The following SEPTIN11 variants were observed in gnomAD, a reference collection of about 807,000 sequenced individuals.
The protein encoded by SEPTIN11 is septin 11, also known as septin-11.
In SEPTIN11, 25 loss-of-function variants were observed where a neutral mutation model predicts 51.4. That is an observed-to-expected ratio of 0.49 (90% CI 0.35 to 0.68). SEPTIN11 has a LOEUF of 0.68. Ranked by LOEUF, SEPTIN11 falls within the 30% of genes least tolerant of loss-of-function variation. The pLI is 0.00. For synonymous variants in SEPTIN11, 174 were observed against 184.1 expected (o/e 0.95, Z 0.44); for missense variants, 381 against 520.8 (o/e 0.73, Z 2.61).
At chr4:77,005,352 A>C (rs952361700) in intron 2 of SEPTIN11, among the ~76,000 whole-genome samples, 1 of 152,224 alleles carries the variant, frequency 6.6e-6, no homozygotes, top group South Asian at 2.1e-4. Flanking sequence ...TTCAGAGGTA[A>C]AGAAGAATCT....
chr4:77,031,117 T>C (rs1309953617), intron 9 of SEPTIN11, 147 bp downstream of exon 9: 8 of 721,658 alleles, frequency 1.1e-5, no homozygotes, highest in Non-Finnish European at 1.3e-5. Flanking sequence ...GGGAAGATGA[T>C]GAAGGTTTTT....
At position 77,006,780 on chromosome 4, in the gene SEPTIN11, G is replaced by A. The variant is rs142096658; in HGVS notation, c.338+984G>A. On this transcript the variant is annotated intron_variant, in intron 3 of 9. Coordinates refer to ENST00000264893, the MANE Select transcript of SEPTIN11 (RefSeq NM_018243.4). ...ACTGTATATTATACACATGTGTTTT[G>A]TAAAGAGGAACTCGACTATTTTTAT... is the stretch of plus-strand genomic sequence containing the variant. Among the ~76,000 whole-genome samples, 285 of 152,144 alleles carry A rather than the reference G, an allele frequency of 1.9e-3. 2 individuals are homozygous for A. Among genetic ancestry groups the A allele is most frequent in the African/African-American group, 6.5e-3 (269 of 41,486 alleles).
At chr4:77,013,834 T>A (rs1433273159) in intron 4 of SEPTIN11, among the ~76,000 whole-genome samples, 2 of 152,240 alleles carry the variant, frequency 1.3e-5, no homozygotes, top group Non-Finnish European at 2.9e-5. Flanking sequence ...ACAGCTTCCT[T>A]ACCGAGTCTG....
chr4:76,993,985 C>T (rs994380749), intron 1 of SEPTIN11, among the ~76,000 whole-genome samples: 6 of 152,196 alleles, frequency 3.9e-5, no homozygotes, highest in South Asian at 4.1e-4. Flanking sequence ...TGATTCTTTC[C>T]CAGGATTGGT....
intron 1 of SEPTIN11, chr4:76,974,666 T>A (rs2109906459): frequency 2.3e-6 from 1 of 431,682 alleles, no homozygotes; most frequent in East Asian, 7.0e-5. Context: ...AAACCCAAAC[T>A]CCCCTTCTAG....
At chr4:76,973,332 CAG>C (rs1560701534) in intron 1 of SEPTIN11, among the ~76,000 whole-genome samples, 10 of 152,340 alleles carry the variant, frequency 6.6e-5, no homozygotes, top group Admixed American at 4.6e-4. Context: ...TCCCTTCAGT[CAG>C]TCAGGTCCAG....
intron 1 of SEPTIN11, chr4:76,987,906 G>A (rs2109924216): frequency 7.6e-6 from 6 of 792,442 alleles, no homozygotes; most frequent in Non-Finnish European, 9.2e-6. Flanking sequence ...TGGGTATTCT[G>A]TAAGGAGAAA....
chr4:76,995,898 C>T, intron 1 of SEPTIN11: 1 of 1,535,586 alleles, frequency 6.5e-7, no homozygotes, highest in East Asian at 2.4e-5. Context: ...GAGAGGAAAC[C>T]AGCTCATGTG....
chr4:76,959,801 G>T (rs1055461102), intron 1 of SEPTIN11, among the ~76,000 whole-genome samples: 2 of 152,120 alleles, frequency 1.3e-5, no homozygotes, highest in African/African-American at 2.4e-5. Flanking sequence ...TTTAAGGATG[G>T]GGATTAATGT....
At chr4:77,016,645 T>TACAC (rs1192087044) in intron 5 of SEPTIN11, among the ~76,000 whole-genome samples, 1 of 127,846 alleles carries the variant, frequency 7.8e-6, no homozygotes, top group African/African-American at 2.9e-5. Flanking sequence ...TATATATATA[T>TACAC]ATATATATAT....
At chr4:77,023,302 A>G (rs994699813) in intron 7 of SEPTIN11, among the ~76,000 whole-genome samples, 2 of 143,934 alleles carry the variant, frequency 1.4e-5, no homozygotes, top group African/African-American at 5.1e-5. Flanking sequence ...ACACACACAC[A>G]ATATATATAT....
chr4:76,952,417 C>G, intron 1 of SEPTIN11, among the ~76,000 whole-genome samples: 1 of 152,126 alleles, frequency 6.6e-6, no homozygotes, highest in South Asian at 2.1e-4. Flanking sequence ...TACCTCTCCC[C>G]GCCAGACTGA....
At chr4:77,039,405 A>C, downstream of SEPTIN11, 8 of 1,050,142 alleles carry the variant, frequency 7.6e-6, no homozygotes, top group South Asian at 2.5e-4. Context: ...GCTTAGAACT[A>C]TCATGTTCTT....
chr4:76,961,878 T>C (rs986514575), intron 1 of SEPTIN11, among the ~76,000 whole-genome samples: 1 of 152,258 alleles, frequency 6.6e-6, no homozygotes. Context: ...ATTTTATGCT[T>C]ACTGGGTCAG....
Position 77,038,584 on chromosome 4 carries a change from G to A in SEPTIN11, c.*4072G>A, listed in dbSNP as rs1338609759. 3 of 995,044 alleles carry A rather than the reference G, an allele frequency of 3.0e-6. No individual in the cohort carries two copies. The highest frequency in any genetic ancestry group is 1.7e-5 in the African/African-American group (1 of 57,326). 61.6% of individuals were successfully genotyped at this position (995,044 alleles called of 1,614,324 possible). A position where few individuals can be genotyped will look rare whatever the true frequency, so the allele number is the denominator to read the frequency against. ...TATATCACTAGTGCCAAGACATAAAGCGGGGGAAAATATATTTTTACCCAA... is the reference window on the plus strand; with the variant it reads ...TATATCACTAGTGCCAAGACATAAAACGGGGGAAAATATATTTTTACCCAA... On this transcript the variant is annotated 3_prime_UTR_variant, in exon 10 of 10. Transcript: ENST00000264893.
Position 77,030,981 on chromosome 4 carries a change from G to T in SEPTIN11, c.1274+11G>T. The T allele has an allele frequency of 6.3e-7, 1 of 1,594,438 alleles. No homozygotes were observed. Among genetic ancestry groups the T allele is most frequent in the Non-Finnish European group, 8.5e-7 (1 of 1,175,796 alleles). ...CAAGGATAAGAAAAAGTAAGCAGGT[G>T]TCACCCCCCTGTATCGGGGACCTCT... On this transcript the variant is annotated intron_variant, in intron 9 of 9. Transcript: ENST00000264893.
At chr4:76,979,660 G>A (rs1283532291) in intron 1 of SEPTIN11, among the ~76,000 whole-genome samples, 4 of 152,084 alleles carry the variant, frequency 2.6e-5, no homozygotes, top group African/African-American at 9.7e-5. Context: ...AAGGCAGGCG[G>A]ATCACCTGAG....
At chr4:76,981,506 C>T (rs1272714503) in intron 1 of SEPTIN11, among the ~76,000 whole-genome samples, 1 of 152,200 alleles carries the variant, frequency 6.6e-6, no homozygotes, top group South Asian at 2.1e-4. Flanking sequence ...AAACTCTAAA[C>T]CAACTTTCTC....
At chr4:76,970,054 C>T (rs544088202) in intron 1 of SEPTIN11, among the ~76,000 whole-genome samples, 48 of 152,282 alleles carry the variant, frequency 3.2e-4, no homozygotes, top group Admixed American at 9.8e-4. Flanking sequence ...CATGCCCTTC[C>T]GAGACTTCAT....
Sources: allele counts gnomAD v4.1 joint callset (sites outside exome capture counted in the v4.1 genomes callset), GRCh38; gene constraint gnomAD v4.1.1; transcripts MANE v1.5; gene names NCBI Gene and HGNC (gene_info 2026-07-23, HGNC 2026-07-21).